The following NCKAP5 variants were observed in gnomAD, a reference collection of about 807,000 sequenced individuals.
NCKAP5 encodes nck-associated protein 5.
Under a neutral mutation model 167.0 loss-of-function variants are expected in NCKAP5, and 92 were observed. The ratio of observed to expected loss-of-function variants is 0.55; its 90% confidence interval spans 0.47 to 0.66. The LOEUF (loss-of-function observed/expected upper bound fraction) is 0.66, where lower values mean the gene tolerates loss of function less well. Ranked by LOEUF, NCKAP5 falls within the 30% of genes least tolerant of loss-of-function variation. NCKAP5 has a pLI of 0.00. For missense variants in NCKAP5, 2,378 were observed against 2,315.0 expected, an observed-to-expected ratio of 1.03 and a Z score of -0.56; for synonymous variants, 891 against 877.4, an observed-to-expected ratio of 1.02 and a Z score of -0.27.
intron 16 of NCKAP5, among the ~76,000 whole-genome samples, chr2:132,753,619 C>T (rs563770434): frequency 1.8e-4 from 28 of 152,180 alleles, no homozygotes; most frequent in Non-Finnish European, 4.0e-4. Flanking sequence ...GTACCTTCCA[C>T]CTGTAGAAAT....
intron 4 of NCKAP5, among the ~76,000 whole-genome samples, chr2:133,251,996 AATTTTAATTTTT>A (rs2088366025): frequency 6.6e-6 from 1 of 152,164 alleles, no homozygotes; most frequent in South Asian, 2.1e-4. Flanking sequence ...AACCCACTAA[AATTTTAATTTTT>A]ATTTTAATTT....
chr2:133,424,713 A>G (rs1689685506), intron 3 of NCKAP5, among the ~76,000 whole-genome samples: 1 of 152,160 alleles, frequency 6.6e-6, no homozygotes, highest in Non-Finnish European at 1.5e-5. Flanking sequence ...CCTCATTAGG[A>G]ACGTGTTAGA....
At chr2:132,956,023 T>G (rs1034248173) in intron 8 of NCKAP5, among the ~76,000 whole-genome samples, 5 of 152,066 alleles carry the variant, frequency 3.3e-5, no homozygotes, top group Non-Finnish European at 7.4e-5. Flanking sequence ...GACAGGGTGG[T>G]CAAAGGGTAC....
At chr2:133,456,360 G>A (rs1193924093) in intron 3 of NCKAP5, among the ~76,000 whole-genome samples, 1 of 152,138 alleles carries the variant, frequency 6.6e-6, no homozygotes, top group Non-Finnish European at 1.5e-5. Flanking sequence ...TTTGGCAGGT[G>A]CCCTTTTGCC....
At chr2:133,476,038 C>A (rs1679854592) in intron 3 of NCKAP5, among the ~76,000 whole-genome samples, 1 of 152,214 alleles carries the variant, frequency 6.6e-6, no homozygotes, top group Admixed American at 6.5e-5. Flanking sequence ...CCAGAAGATT[C>A]TTCCTTATCC....
intron 11 of NCKAP5, among the ~76,000 whole-genome samples, chr2:132,821,738 G>A (rs1479604213): frequency 6.6e-6 from 1 of 152,104 alleles, no homozygotes; most frequent in African/African-American, 2.4e-5. Flanking sequence ...CCTGGGAGCT[G>A]GGTGAGGCTA....
rs959072229 is a variant in NCKAP5, at chr2:133,154,519, G to A, written c.208-24408C>T. Among the ~76,000 whole-genome samples, 4 of 152,230 alleles carry A rather than the reference G, an allele frequency of 2.6e-5. No individual in the cohort carries two copies. In the East Asian group the frequency reaches 7.7e-4, roughly 29 times the overall value. On this transcript the variant is annotated intron_variant, in intron 5 of 19. Transcript: ENST00000409261. ...ATGTTAACTCAGTAAAGTCACTTCTGCAAGGGGCTGAGATAATATGGCTTA... is the reference window on the plus strand; with the variant it reads ...ATGTTAACTCAGTAAAGTCACTTCTACAAGGGGCTGAGATAATATGGCTTA...
intron 6 of NCKAP5, among the ~76,000 whole-genome samples, chr2:133,033,642 T>G (rs1286599893): frequency 3.9e-5 from 6 of 152,118 alleles, no homozygotes; most frequent in African/African-American, 1.4e-4. Flanking sequence ...CAGAATTCTA[T>G]CAGATAAATT....
chr2:133,415,412 A>T (rs892259744), intron 3 of NCKAP5, among the ~76,000 whole-genome samples: 3 of 152,248 alleles, frequency 2.0e-5, no homozygotes, highest in Admixed American at 6.5e-5. Context: ...TGTGTGGGGC[A>T]TCAGCTGGAC....
rs201451397 is a variant in NCKAP5 at position 133,493,614 on chromosome 2, T to TC, written c.69+23843dup. Among the ~76,000 whole-genome samples the TC allele has an allele frequency of 1.0e-3, 152 of 152,336 alleles. 3 individuals carry two copies. The East Asian group carries it at 0.027, about 27-fold the overall frequency. Reference sequence around the variant, plus strand: ...CCAAAAAGGAATGAATAAATGAGAATCCTGTTTTGAGTTTCCCTGCTTAAT... The same window carrying TC: ...CCAAAAAGGAATGAATAAATGAGAATCCCTGTTTTGAGTTTCCCTGCTTAAT... On this transcript the variant is annotated intron_variant, in intron 3 of 19. Coordinates refer to ENST00000409261, the MANE Select transcript of NCKAP5 (RefSeq NM_207363.3).
chr2:132,877,869 T>G (rs1691405124), intron 9 of NCKAP5, among the ~76,000 whole-genome samples: 1 of 152,142 alleles, frequency 6.6e-6, no homozygotes, highest in African/African-American at 2.4e-5. Context: ...TATTGGCAGT[T>G]CCCACTGGAA....
chr2:133,438,324 A>G (rs1690624426), intron 3 of NCKAP5, among the ~76,000 whole-genome samples: 1 of 152,324 alleles, frequency 6.6e-6, no homozygotes, highest in Non-Finnish European at 1.5e-5. Flanking sequence ...ATATCAGGGG[A>G]CACTAGGGTT....
intron 4 of NCKAP5, among the ~76,000 whole-genome samples, chr2:133,293,383 G>A (rs1574623918): frequency 6.6e-6 from 1 of 152,266 alleles, no homozygotes; most frequent in East Asian, 1.9e-4. Flanking sequence ...TTAGACACAT[G>A]CATATCACAT....
At chr2:132,908,946 C>A (rs1036920906) in intron 8 of NCKAP5, among the ~76,000 whole-genome samples, 11 of 152,214 alleles carry the variant, frequency 7.2e-5, no homozygotes, top group African/African-American at 2.7e-4. Context: ...TTTCTTCATC[C>A]TCACTGAACA....
rs529541699 is a variant in NCKAP5 at position 132,943,842 on chromosome 2, G to A, written c.579+19878C>T. On this transcript the variant is annotated intron_variant, in intron 8 of 19. Coordinates refer to ENST00000409261, the MANE Select transcript of NCKAP5 (RefSeq NM_207363.3). The stretch of plus-strand genomic sequence containing the variant: ...GAAACAACTGTGTAAGAACAAGGCG[G>A]GTGAAAAGACCTTACCAATGAGAGT... 6.6e-5 allele frequency among the ~76,000 whole-genome samples: 10 copies of A among 152,300 alleles called. No homozygotes were observed. The East Asian group carries it at 1.9e-3, about 29-fold the overall frequency.
chr2:133,515,296 C>T (rs1417063761), intron 3 of NCKAP5, among the ~76,000 whole-genome samples: 1 of 152,142 alleles, frequency 6.6e-6, no homozygotes, highest in South Asian at 2.1e-4. Flanking sequence ...ATACTATAAC[C>T]GGGGGCAAAA....
chr2:133,646,659 A>T, the NCKAP5 span, among the ~76,000 whole-genome samples: 1 of 152,170 alleles, frequency 6.6e-6, no homozygotes, highest in Non-Finnish European at 1.5e-5. Flanking sequence ...AAAGTATGGA[A>T]CTCATGAGTA....
At chr2:132,733,353 C>A (rs1158751843) in intron 16 of NCKAP5, among the ~76,000 whole-genome samples, 1 of 152,148 alleles carries the variant, frequency 6.6e-6, no homozygotes, top group African/African-American at 2.4e-5. Flanking sequence ...TAGATTACGA[C>A]ATAATGTTTG....
At chr2:132,712,117 T>C (rs899229758) in intron 19 of NCKAP5, among the ~76,000 whole-genome samples, 3 of 152,162 alleles carry the variant, frequency 2.0e-5, no homozygotes, top group Admixed American at 2.0e-4. Context: ...ACATTTGTAT[T>C]ATCAATTACC....
Sources: gnomAD v4.1 joint callset for allele counts (sites outside exome capture counted in the v4.1 genomes callset) on GRCh38, gnomAD v4.1.1 for gene constraint, MANE v1.5 for transcripts, NCBI Gene and HGNC (gene_info 2026-07-23, HGNC 2026-07-21) for gene names.